LPP: variants seen among roughly 807,000 people sequenced by gnomAD.
LPP encodes the protein LIM domain containing preferred translocation partner in lipoma, also known as lipoma-preferred partner.
A neutral mutation model predicts 60.4 loss-of-function variants in LPP; 38 were observed. The ratio of observed to expected loss-of-function variants is 0.63; its 90% CI spans 0.49 to 0.83. The LOEUF (loss-of-function observed/expected upper bound fraction) is 0.83. LPP is among the 40% of genes least tolerant of loss of function. LPP has a pLI of 0.00. For missense variants in LPP, 902 were observed against 783.6 expected (o/e 1.15, Z -1.80); for synonymous variants, 328 against 290.8 (o/e 1.13, Z -1.30).
chr3:188,481,775 G>C (rs1342896174), intron 4 of LPP, among the ~76,000 whole-genome samples: 1 of 152,170 alleles, frequency 6.6e-6, no homozygotes, highest in East Asian at 1.9e-4. Flanking sequence ...CAGGGCCTCT[G>C]TTTGATAATA....
At chr3:188,241,703 A>G (rs1300045562) in intron 2 of LPP, among the ~76,000 whole-genome samples, 2 of 152,102 alleles carry the variant, frequency 1.3e-5, no homozygotes, top group Non-Finnish European at 2.9e-5. Context: ...TGGACAACCT[A>G]TTTTTAAAGA....
intron 1 of LPP, among the ~76,000 whole-genome samples, chr3:188,199,780 T>C (rs771613946): frequency 7.2e-5 from 11 of 151,892 alleles, no homozygotes; most frequent in Admixed American, 2.6e-4. Flanking sequence ...AATGGCGTGA[T>C]CTTGGCTCAC....
At position 188,700,500 on chromosome 3, in the gene LPP, C is replaced by T. The variant is rs142114372; in HGVS notation, c.1114-7767C>T. Among the ~76,000 whole-genome samples, 911 of 152,226 alleles carry T rather than the reference C, an allele frequency of 6.0e-3. 10 individuals carry two copies. Among genetic ancestry groups the T allele is most frequent in the African/African-American group, 0.021 (858 of 41,530 alleles). On this transcript the variant is annotated intron_variant, in intron 7 of 11. Transcript: ENST00000617246. ...CCTGGGAGCCATTTGCACCTTAGTG[C>T]GGGCTGTTTCCCATGCTTCCTTTTT...
intron 8 of LPP, among the ~76,000 whole-genome samples, chr3:188,743,101 C>T (rs140841705): frequency 2.6e-5 from 4 of 152,248 alleles, no homozygotes; most frequent in African/African-American, 7.2e-5. Context: ...TTAAAGTTTG[C>T]TGAACCATAC....
intron 6 of LPP, among the ~76,000 whole-genome samples, chr3:188,566,959 TCTGATACAAA>T (rs1271299581): frequency 2.0e-5 from 3 of 151,892 alleles, no homozygotes; most frequent in African/African-American, 7.2e-5. Flanking sequence ...TGCAAATTGG[TCTGATACAAA>T]CTGAGCTATA....
chr3:188,362,803 G>T (rs1464112382), intron 3 of LPP, among the ~76,000 whole-genome samples: 1 of 152,170 alleles, frequency 6.6e-6, no homozygotes, highest in Non-Finnish European at 1.5e-5. Flanking sequence ...GTCTGAGGAT[G>T]CAGTGGAAAC....
At chr3:188,227,960 G>A (rs1403691635) in intron 2 of LPP, among the ~76,000 whole-genome samples, 1 of 152,220 alleles carries the variant, frequency 6.6e-6, no homozygotes, top group Non-Finnish European at 1.5e-5. Flanking sequence ...AGAAGAGGTG[G>A]CCCCGCAAAG....
intron 2 of LPP, among the ~76,000 whole-genome samples, chr3:188,334,906 G>C (rs1403661594): frequency 1.3e-5 from 2 of 151,940 alleles, no homozygotes; most frequent in African/African-American, 4.8e-5. Flanking sequence ...GATATCTCAT[G>C]GTGGCTCCAT....
At chr3:188,404,015 A>C (rs77717260) in intron 3 of LPP, among the ~76,000 whole-genome samples, 8,520 of 152,234 alleles carry the variant, frequency 0.056, 774 homozygotes, top group African/African-American at 0.19. Flanking sequence ...TGTCCTGATT[A>C]CCAGTTTAGA....
chr3:188,455,549 T>G (rs1369421051), intron 4 of LPP, among the ~76,000 whole-genome samples: 1 of 152,208 alleles, frequency 6.6e-6, no homozygotes, highest in Non-Finnish European at 1.5e-5. Flanking sequence ...TCAGTGCTAT[T>G]TTATCAGTCA....
rs966329108 is a variant in LPP at position 188,880,217 on chromosome 3, G to C, written c.*5738G>C. 1.8e-5 allele frequency: 3 copies of C among 162,518 alleles called. No homozygotes were observed. Among genetic ancestry groups the C allele is most frequent in the African/African-American group, 7.2e-5 (3 of 41,702 alleles). The allele number at this position is 162,518 out of a possible 1,614,324, so 10.1% of individuals were successfully genotyped here. ...GGCTAATTTTTTTGTATTTTTAGTA[G>C]AGATGGAGTTTCACAGTGTTAGCCA... On this transcript the variant is annotated 3_prime_UTR_variant, in exon 12 of 12. Coordinates refer to ENST00000617246, the MANE Select transcript of LPP (RefSeq NM_001375462.1).
intron 3 of LPP, among the ~76,000 whole-genome samples, chr3:188,393,028 AT>A (rs10719384): frequency 0.61 from 91,243 of 148,684 alleles, 28,889 homozygotes; most frequent in African/African-American, 0.8. Context: ...TTTTAGACAC[AT>A]TTTTTTTTTT....
chr3:188,851,830 T>A (rs532473804), intron 9 of LPP, among the ~76,000 whole-genome samples: 26 of 152,322 alleles, frequency 1.7e-4, no homozygotes, highest in African/African-American at 6.0e-4. Context: ...AAAGGAACAA[T>A]CATTTATTAT....
intron 1 of LPP, among the ~76,000 whole-genome samples, chr3:188,194,806 G>C (rs911645786): frequency 6.6e-6 from 1 of 152,290 alleles, no homozygotes; most frequent in South Asian, 2.1e-4. Flanking sequence ...TTTCATGTGA[G>C]TTTTACAATG....
chr3:188,532,001 T>C (rs13067809), intron 6 of LPP, among the ~76,000 whole-genome samples: 72,610 of 151,820 alleles, frequency 0.48, 18,221 homozygotes, highest in East Asian at 0.92. Flanking sequence ...GTGGGATCTG[T>C]AATAGTAACT....
chr3:188,364,130 T>C (rs1006598209), intron 3 of LPP, among the ~76,000 whole-genome samples: 6 of 152,292 alleles, frequency 3.9e-5, no homozygotes, highest in African/African-American at 1.4e-4. Flanking sequence ...AAGGATTACT[T>C]TGGGGATTCA....
intron 9 of LPP, among the ~76,000 whole-genome samples, chr3:188,806,729 A>G (rs1749262696): frequency 6.6e-6 from 1 of 151,920 alleles, no homozygotes; most frequent in African/African-American, 2.4e-5. Context: ...GATTTGCAAT[A>G]TACACCTTTA....
intron 3 of LPP, among the ~76,000 whole-genome samples, chr3:188,375,932 A>G (rs1029223379): frequency 4.6e-5 from 7 of 152,222 alleles, no homozygotes; most frequent in African/African-American, 1.4e-4. Flanking sequence ...TTCAAAGAAC[A>G]TCTTTATTTC....
In LPP at chr3:188,352,707, ATG is replaced by A. The variant is rs1238057617; in HGVS notation, c.-10+10989_-10+10990del. On this transcript the variant is annotated intron_variant, in intron 3 of 11. Coordinates refer to ENST00000617246, the MANE Select transcript of LPP (RefSeq NM_001375462.1). This position sits in a 1 kb window ranked among gnomAD's most constrained non-coding sequence, Gnocchi z 4.4. ...CCCTGCTTGTTGATGTTCCAGCTGC[ATG>A]CACGGCACTGAGCCCTGCCTGAGTG... Among the ~76,000 whole-genome samples the A allele has an allele frequency of 0.042, 40 of 942 alleles. No homozygotes were observed. Among genetic ancestry groups the A allele is most frequent in the South Asian group, 0.35 (18 of 52 alleles). The allele number at this position is 942 out of a possible 152,430, so 0.6% of individuals were successfully genotyped here. A position where few individuals can be genotyped will look rare whatever the true frequency, so the allele number is the denominator to read the frequency against.
Sources: allele counts gnomAD v4.1 joint callset (sites outside exome capture counted in the v4.1 genomes callset), GRCh38; gene constraint gnomAD v4.1.1; non-coding constraint Gnocchi (gnomAD v3.1); transcripts MANE v1.5; gene names NCBI Gene and HGNC (gene_info 2026-07-23, HGNC 2026-07-21).